Variants in SFXN5 observed in about 807,000 individuals in gnomAD.
SFXN5 encodes the protein sideroflexin 5, also known as sideroflexin-5.
Under a neutral mutation model 50.2 loss-of-function variants are expected in SFXN5, and 43 were observed. The ratio of observed to expected loss-of-function variants is 0.86; its 90% CI spans 0.67 to 1.11. The LOEUF is 1.11. SFXN5 is among the 50% of genes least tolerant of loss of function. SFXN5 has a pLI of 0.00. For synonymous variants in SFXN5, 203 were observed against 185.8 expected (o/e 1.09, Z -0.75); for missense variants, 463 against 454.1 (o/e 1.02, Z -0.18).
chr2:73,047,246 ATATAT>A (rs1234712398), intron 2 of SFXN5, among the ~76,000 whole-genome samples: 15 of 25,452 alleles, frequency 5.9e-4, no homozygotes, highest in African/African-American at 9.2e-4. Context: ...AAAAAAAAAA[ATATAT>A]ATATATATAT....
chr2:72,989,015 C>T (rs1033870035), intron 9 of SFXN5, among the ~76,000 whole-genome samples: 8 of 152,220 alleles, frequency 5.3e-5, no homozygotes, highest in Non-Finnish European at 1.2e-4. Context: ...CTCCTAGGCT[C>T]TTTCATCTTT....
chr2:73,050,388 G>GCGCACACACACACACACACACA lies in SFXN5; in HGVS notation c.171+8139_171+8140insTGTGTGTGTGTGTGTGTGTGCG. ...GTGGAGGTAGCGCCGCAGCCACAGC[G>GCGCACACACACACACACACACA]CACGCACACACACACACACACACAC... On this transcript the variant is annotated intron_variant, in intron 2 of 13. Coordinates refer to ENST00000272433, the MANE Select transcript of SFXN5 (RefSeq NM_144579.3). 4.2e-3 allele frequency among the ~76,000 whole-genome samples: 602 copies of GCGCACACACACACACACACACA among 143,896 alleles called. 3 individuals carry two copies. Among genetic ancestry groups the GCGCACACACACACACACACACA allele is most frequent in the South Asian group, 5.6e-3 (26 of 4,664 alleles). 94.4% of individuals were successfully genotyped at this position (143,896 alleles called of 152,430 possible). A position where few individuals can be genotyped will look rare whatever the true frequency, so the allele number is the denominator to read the frequency against.
intron 12 of SFXN5, among the ~76,000 whole-genome samples, chr2:72,963,213 C>T (rs765489306): frequency 1.6e-4 from 25 of 152,208 alleles, no homozygotes; most frequent in Non-Finnish European, 2.9e-4. Flanking sequence ...AGCACAGCCC[C>T]GAGGGTCCCT....
At chr2:72,947,062 T>G (rs910898865) in intron 13 of SFXN5, among the ~76,000 whole-genome samples, 1 of 152,178 alleles carries the variant, frequency 6.6e-6, no homozygotes, top group African/African-American at 2.4e-5. Context: ...CTTTCGTGTC[T>G]CAGCTTTAGA....
In SFXN5 at chr2:73,001,571, C is replaced by T; in HGVS notation, c.365G>A (p.Gly122Asp). 1 of 1,614,128 alleles carries T rather than the reference C, an allele frequency of 6.2e-7. No homozygotes were observed. Among genetic ancestry groups the T allele is most frequent in the Non-Finnish European group, 8.5e-7 (1 of 1,180,006 alleles). Reference sequence around the variant, plus strand: ...CAGTGTCTGGTTGGGCAAGAGAAGACCGACTACCTATGAGCAAGAGAGAAG... The same window carrying T: ...CAGTGTCTGGTTGGGCAAGAGAAGATCGACTACCTATGAGCAAGAGAGAAG... ...YIPFGTPIVV[G>D]LLLPNQTLAS... is the part of the protein sequence containing the mutation. The change falls in exon 7 of 14, where the codon GGT (glycine) becomes GAT (aspartate). Residue 122 changes from glycine to aspartate, a missense_variant. Gly to Asp is a moderately conservative substitution (Grantham distance 94). Transcript: ENST00000272433.
intron 13 of SFXN5, among the ~76,000 whole-genome samples, chr2:72,956,692 C>T (rs916385373): frequency 2.0e-5 from 3 of 152,116 alleles, no homozygotes; most frequent in African/African-American, 7.2e-5. Flanking sequence ...ATCCAGGCCC[C>T]CATTTCTCCA....
rs17008506 is a variant in SFXN5 at position 72,944,962 on chromosome 2, C to A, written c.*60G>T. ...CCCTGCAGGTGCAGCCGTGAGTCTACGGCCCTGCCCCTCAGCTCCCCGGCT... is the reference window on the plus strand; with the variant it reads ...CCCTGCAGGTGCAGCCGTGAGTCTAAGGCCCTGCCCCTCAGCTCCCCGGCT... On this transcript the variant is annotated 3_prime_UTR_variant, in exon 14 of 14. Coordinates refer to ENST00000272433, the MANE Select transcript of SFXN5 (RefSeq NM_144579.3). 4.6e-6 allele frequency: 7 copies of A among 1,520,398 alleles called. No individual in the cohort carries two copies. Among genetic ancestry groups the A allele is most frequent in the Admixed American group, 1.8e-5 (1 of 56,816 alleles). The allele number at this position is 1,520,398 out of a possible 1,614,324, so 94.2% of individuals were successfully genotyped here. A position where few individuals can be genotyped will look rare whatever the true frequency, so the allele number is the denominator to read the frequency against.
In SFXN5 at chr2:72,998,934, G is replaced by A. The variant is rs749978867; in HGVS notation, c.534+15C>T. ...AGCAGCAGAGCCAAGAAGGAGCAGG[G>A]GAGGGAGTACTCACAGCAATGGAGA... On this transcript the variant is annotated intron_variant, in intron 9 of 13. Transcript: ENST00000272433. 1.2e-6 allele frequency: 2 copies of A among 1,613,532 alleles called. No homozygotes were observed. The highest frequency in any genetic ancestry group is 1.1e-5 in the South Asian group (1 of 90,934).
At chr2:73,010,670 A>G (rs976195934) in intron 6 of SFXN5, among the ~76,000 whole-genome samples, 3 of 152,216 alleles carry the variant, frequency 2.0e-5, no homozygotes, top group Non-Finnish European at 4.4e-5. Context: ...AAATGGCAAA[A>G]TTTGGCAAAA....
At chr2:72,951,465 T>G (rs1056896757) in intron 13 of SFXN5, among the ~76,000 whole-genome samples, 1 of 152,128 alleles carries the variant, frequency 6.6e-6, no homozygotes, top group Non-Finnish European at 1.5e-5. Context: ...TGCCTCACTG[T>G]GGGTGGGGGG....
At chr2:73,050,392 G>GCACACACACACACACA (rs35090808) in intron 2 of SFXN5, among the ~76,000 whole-genome samples, 3 of 146,610 alleles carry the variant, frequency 2.0e-5, no homozygotes, top group South Asian at 2.1e-4. Flanking sequence ...CACAGCGCAC[G>GCACACACACACACACA]CACACACACA....
chr2:72,981,994 T>C (rs1018475815), intron 10 of SFXN5, among the ~76,000 whole-genome samples: 54 of 143,000 alleles, frequency 3.8e-4, no homozygotes, highest in East Asian at 8.7e-4. Flanking sequence ...TGTGTGTGTG[T>C]GTGCGTGCCA....
chr2:73,046,334 G>A (rs1237160159), intron 2 of SFXN5, among the ~76,000 whole-genome samples: 5 of 151,202 alleles, frequency 3.3e-5, no homozygotes, highest in East Asian at 3.9e-4. Context: ...GCTTGAACCC[G>A]GAAAGTGAAG....
intron 10 of SFXN5, among the ~76,000 whole-genome samples, chr2:72,977,722 C>G (rs1210096743): frequency 1.3e-5 from 2 of 152,120 alleles, no homozygotes. Flanking sequence ...CTCCTGTAAT[C>G]CCAGCACTTT....
chr2:73,050,197 A>G (rs1265395494), intron 2 of SFXN5, among the ~76,000 whole-genome samples: 1 of 152,060 alleles, frequency 6.6e-6, no homozygotes, highest in African/African-American at 2.4e-5. Flanking sequence ...CGGCTTTCCC[A>G]GGCTGGTGCT....
At position 72,961,245 on chromosome 2, in the gene SFXN5, C is replaced by T. The variant is rs147436584; in HGVS notation, c.831G>A (p.Thr277=). Residue 277 remains threonine (T), a synonymous_variant, in exon 13 of 14, where the codon ACG becomes ACA. Transcript: ENST00000272433. This position sits in a 1 kb window ranked among gnomAD's most constrained non-coding sequence, Gnocchi z 4.4. Reference sequence around the variant, plus strand: ...GCCGGGGGCGTGCCTGCAGGAGAGCCGTCCTGTGAGGGAGAGAGGAGGGAG... The same window carrying T: ...GCCGGGGGCGTGCCTGCAGGAGAGCTGTCCTGTGAGGGAGAGAGGAGGGAG... ...PPIVMSMLEK[T]ALLQARPRLL... The T allele has an allele frequency of 3.0e-3, 4,594 of 1,527,830 alleles. 10 individuals carry two copies. The highest frequency in any genetic ancestry group is 3.5e-3 in the Non-Finnish European group (4,053 of 1,146,340). The allele number at this position is 1,527,830 out of a possible 1,614,324, so 94.6% of individuals were successfully genotyped here.
rs147729055 is a variant in SFXN5 at position 72,994,372 on chromosome 2, C to T, written c.534+4577G>A. On this transcript the variant is annotated intron_variant, in intron 9 of 13. Transcript: ENST00000272433. ...TGTATGGGTTCAGCACAGGGATCCC[C>T]TGGAACCCCTTCTTCTATGCCAGTG... is the stretch of plus-strand genomic sequence containing the variant. 3.1e-3 allele frequency among the ~76,000 whole-genome samples: 465 copies of T among 152,284 alleles called. 3 individuals carry two copies. The highest frequency in any genetic ancestry group is 0.011 in the African/African-American group (443 of 41,544).
intron 3 of SFXN5, among the ~76,000 whole-genome samples, chr2:73,034,086 G>A (rs1027704664): frequency 6.6e-6 from 1 of 152,234 alleles, no homozygotes; most frequent in East Asian, 1.9e-4. Context: ...GAGGAGCCCA[G>A]GTAGTATAGG....
intron 6 of SFXN5, among the ~76,000 whole-genome samples, chr2:73,005,303 C>G (rs1370914738): frequency 1.3e-5 from 2 of 152,218 alleles, no homozygotes; most frequent in Non-Finnish European, 2.9e-5. Flanking sequence ...CAGCTGTGCT[C>G]TCTGCACATC....
Sources: gnomAD v4.1 joint callset for allele counts (sites outside exome capture counted in the v4.1 genomes callset) on GRCh38, gnomAD v4.1.1 for gene constraint, Gnocchi (gnomAD v3.1) non-coding constraint, MANE v1.5 for transcripts, NCBI Gene and HGNC (gene_info 2026-07-23, HGNC 2026-07-21) for gene names.